The following RPL24 variants were observed in gnomAD, a reference collection of about 807,000 sequenced individuals.
RPL24 encodes the protein ribosomal protein L24, also known as large ribosomal subunit protein eL24.
A neutral mutation model predicts 26.4 loss-of-function variants in RPL24; 7 were observed. The ratio of observed to expected loss-of-function variants is 0.27; its 90% confidence interval spans 0.15 to 0.50. The LOEUF is 0.50. RPL24 is among the 20% of genes least tolerant of loss of function. The probability of loss-of-function intolerance (pLI) is 0.98; values close to 1 mark genes in which losing one functional copy is unlikely to be tolerated. For missense variants in RPL24, 109 were observed against 194.9 expected (o/e 0.56, Z 2.62); for synonymous variants, 67 against 65.2 (o/e 1.03, Z -0.13).
intron 3 of RPL24, among the ~76,000 whole-genome samples, chr3:101,684,828 A>C: frequency 7.3e-6 from 1 of 136,860 alleles, no homozygotes; most frequent in Non-Finnish European, 1.5e-5. Flanking sequence ...TAGTGGCCTT[A>C]TGTACATTCA....
chr3:101,681,159 A>G lies in RPL24; in HGVS notation c.450T>C (p.Ala150=), dbSNP rs1181500191. 32 of 1,613,098 alleles carry G rather than the reference A, an allele frequency of 2.0e-5. No homozygotes were observed. Among genetic ancestry groups the G allele is most frequent in the Non-Finnish European group, 2.4e-5 (28 of 1,179,268 alleles). The change falls in exon 6 of 6, where the codon GCT becomes GCC. Residue 150 remains alanine, a synonymous_variant. Transcript: ENST00000394077. ...QKIVKPVKVS[A]PRVGGKR is the part of the protein sequence containing the mutation. ...TTTAGCGTTTTCCACCAACTCGGGG[A>G]GCTGAAACTTTCACAGGCTTCACAA...
intron 5 of RPL24, chr3:101,681,707 A>C (rs1440338324): frequency 6.4e-6 from 1 of 156,950 alleles, no homozygotes; most frequent in African/African-American, 2.4e-5. Context: ...TGGGTTTGGT[A>C]GTGCTTGCCT....
intron 3 of RPL24, among the ~76,000 whole-genome samples, chr3:101,684,095 G>C (rs927603550): frequency 6.6e-6 from 1 of 152,038 alleles, no homozygotes; most frequent in African/African-American, 2.4e-5. Flanking sequence ...TCAAGCTCAA[G>C]GGATCCTCTT....
intron 4 of RPL24, 91 bp from the exon 5 acceptor site, chr3:101,682,583 T>C: frequency 8.4e-7 from 1 of 1,191,926 alleles, no homozygotes; most frequent in South Asian, 1.3e-5. Flanking sequence ...ACAAGTACAA[T>C]GACCATATTC....
At chr3:101,685,702 G>GTT (rs1358959175) in intron 3 of RPL24, 116 bp downstream of exon 3, 1 of 575,418 alleles carries the variant, frequency 1.7e-6, no homozygotes, top group African/African-American at 1.9e-5. Flanking sequence ...ACGCTTTACA[G>GTT]TTTAAGAGCT....
In RPL24 at chr3:101,682,658, AC is replaced by A. The variant is rs956788096; in HGVS notation, c.329+112del. 2.9e-5 allele frequency: 37 copies of A among 1,259,880 alleles called. No individual in the cohort carries two copies. The African/African-American group carries it at 5.1e-4, about 18-fold the overall frequency. 78.0% of individuals were successfully genotyped at this position (1,259,880 alleles called of 1,614,324 possible). ...AAGAATTTGTCAATAATTTTCATTA[AC>A]CACCAAATCAGCTTAACATATATTA... On this transcript the variant is annotated intron_variant, in intron 4 of 5. Transcript: ENST00000394077.
rs1937276052 is a variant in RPL24 at position 101,682,459 on chromosome 3, T to G, written c.363A>C (p.Ala121=). 1 of 1,614,020 alleles carries G rather than the reference T, an allele frequency of 6.2e-7. No individual in the cohort carries two copies. Among genetic ancestry groups the G allele is most frequent in the African/African-American group, 1.3e-5 (1 of 74,948 alleles). Reference sequence around the variant, plus strand: ...CAGCAGCCATTGCAGTCTTTTTAGATGCTTGCTTAGCCTTTTTTGCTTCCT... The same window carrying G: ...CAGCAGCCATTGCAGTCTTTTTAGAGGCTTGCTTAGCCTTTTTTGCTTCCT... ...AAKEAKKAKQ[A]SKKTAMAAAK... Residue 121 remains alanine, a synonymous_variant, in exon 5 of 6, where the codon GCA becomes GCC. Coordinates refer to ENST00000394077, the MANE Select transcript of RPL24 (RefSeq NM_000986.4).
In RPL24 at chr3:101,685,586, C is replaced by G. The variant is rs902793067; in HGVS notation, c.192+232G>C. Among the ~76,000 whole-genome samples, 6 of 152,226 alleles carry G rather than the reference C, an allele frequency of 3.9e-5. No homozygotes were observed. In the East Asian group the frequency reaches 1.2e-3, roughly 29 times the overall value. On this transcript the variant is annotated intron_variant, in intron 3 of 5. Coordinates refer to ENST00000394077, the MANE Select transcript of RPL24 (RefSeq NM_000986.4). ...TAAGCCCTTCCACCCTGCCCTATAA[C>G]GCAAAGGTGCTTAACGTAATTTATC...
chr3:101,683,441 A>G (rs1371082489), intron 3 of RPL24, among the ~76,000 whole-genome samples: 1 of 152,226 alleles, frequency 6.6e-6, no homozygotes, highest in African/African-American at 2.4e-5. Flanking sequence ...GTATATTCGA[A>G]TAGTTGTTTA....
chr3:101,686,713 AG>A lies in RPL24; in HGVS notation c.-38del. 2 of 1,613,904 alleles carry A rather than the reference AG, an allele frequency of 1.2e-6. No homozygotes were observed. The highest frequency in any genetic ancestry group is 1.7e-5 in the Admixed American group (1 of 60,022). ...CACGGAAAGACAAAAGATGGCGAAA[AG>A]AAAGAGAGAATCATGGGAAGAGACC... On this transcript the variant is annotated 5_prime_UTR_variant, in exon 1 of 6. Transcript: ENST00000394077.
intron 3 of RPL24, among the ~76,000 whole-genome samples, chr3:101,683,696 G>C (rs1298895340): frequency 6.8e-6 from 1 of 146,316 alleles, no homozygotes; most frequent in Non-Finnish European, 1.5e-5. Context: ...TAACCTTTTG[G>C]TTTTTCTTTT....
chr3:101,683,001 T>C, intron 3 of RPL24, 94 bp from the exon 4 acceptor site: 1 of 1,091,914 alleles, frequency 9.2e-7, no homozygotes, highest in Non-Finnish European at 1.3e-6. Context: ...GCAAATGAAG[T>C]ATTTTAAGAT....
chr3:101,685,041 A>C (rs534132807), intron 3 of RPL24, among the ~76,000 whole-genome samples: 45 of 152,214 alleles, frequency 3.0e-4, no homozygotes, highest in African/African-American at 1.1e-3. Flanking sequence ...TATAACTTAG[A>C]AGTGGAACTG....
At chr3:101,682,620 T>C in intron 4 of RPL24, 128 bp from the exon 5 acceptor site, 3 of 1,136,348 alleles carry the variant, frequency 2.6e-6, no homozygotes, top group Non-Finnish European at 3.9e-6. Context: ...CATTTATTTG[T>C]AGGCTAAATC....
chr3:101,685,003 A>G (rs1033832013), intron 3 of RPL24, among the ~76,000 whole-genome samples: 2 of 151,944 alleles, frequency 1.3e-5, no homozygotes, highest in Non-Finnish European at 2.9e-5. Flanking sequence ...TACAAGTTAT[A>G]GAGTCCCTGC....
chr3:101,682,701 T>C (rs531071206), intron 4 of RPL24, 70 bp downstream of exon 4: 3 of 1,467,682 alleles, frequency 2.0e-6, no homozygotes, highest in Non-Finnish European at 1.9e-6. Flanking sequence ...ATGGTAACTT[T>C]AATTACTGAA....
At chr3:101,682,286 A>T in intron 5 of RPL24, 143 bp downstream of exon 5, 1 of 697,414 alleles carries the variant, frequency 1.4e-6, no homozygotes, top group East Asian at 2.7e-5. Context: ...GTATCACTTG[A>T]ACCCGGGAGG....
At chr3:101,682,318 A>C in intron 5 of RPL24, 111 bp downstream of exon 5, 1 of 847,862 alleles carries the variant, frequency 1.2e-6, no homozygotes, top group Non-Finnish European at 2.0e-6. Context: ...GTGAGCTGAG[A>C]TCAGATCACG....
rs1937280359 is a variant in RPL24 at position 101,682,827 on chromosome 3, C to G, written c.273G>C (p.Met91Ile). The G allele has an allele frequency of 6.2e-7, 1 of 1,613,624 alleles. No individual in the cohort carries two copies. The highest frequency in any genetic ancestry group is 8.5e-7 in the Non-Finnish European group (1 of 1,179,810). Residue 91 changes from methionine (M) to isoleucine (I), a missense_variant, in exon 4 of 6, where the codon ATG becomes ATC. Coordinates refer to ENST00000394077, the MANE Select transcript of RPL24 (RefSeq NM_000986.4). ...CTTCAGGTTTCTGATTCCTCTTGGCCATTATATCAGCAAGAGATGCACCAG... is the reference window on the plus strand; with the variant it reads ...CTTCAGGTTTCTGATTCCTCTTGGCGATTATATCAGCAAGAGATGCACCAG... ...AITGASLADI[M>I]AKRNQKPEVR...
Sources: allele counts gnomAD v4.1 joint callset (sites outside exome capture counted in the v4.1 genomes callset), GRCh38; gene constraint gnomAD v4.1.1; transcripts MANE v1.5; gene names NCBI Gene and HGNC (gene_info 2026-07-23, HGNC 2026-07-21).